TLN2: variants seen among roughly 807,000 people sequenced by gnomAD.
TLN2 encodes talin 2.
TLN2 carries 118 observed loss-of-function variants against 294.7 expected under a neutral mutation model. The ratio of observed to expected loss-of-function variants is 0.40; its 90% CI spans 0.34 to 0.47. TLN2 has a LOEUF of 0.47. Ranked by LOEUF, TLN2 falls within the 20% of genes least tolerant of loss-of-function variation. The pLI is 0.84. For synonymous variants in TLN2, 1,431 were observed against 1,304.5 expected (o/e 1.10, Z -2.09); for missense variants, 3,083 against 3,282.2 (o/e 0.94, Z 1.48).
intron 1 of TLN2, among the ~76,000 whole-genome samples, chr15:62,481,442 A>G (rs1255032511): frequency 3.3e-5 from 5 of 152,226 alleles, no homozygotes; most frequent in African/African-American, 1.2e-4. Flanking sequence ...AGCTCACTGC[A>G]GTCGCGAACT....
At chr15:62,651,609 G>A (rs1027686631) in intron 5 of TLN2, among the ~76,000 whole-genome samples, 1 of 152,194 alleles carries the variant, frequency 6.6e-6, no homozygotes, top group African/African-American at 2.4e-5. Flanking sequence ...GCCAGTAGGG[G>A]TAGGAGGGAA....
chr15:62,763,851 C>CT (rs1277477654), intron 40 of TLN2, among the ~76,000 whole-genome samples, 156 bp downstream of exon 40: 4 of 152,050 alleles, frequency 2.6e-5, no homozygotes, highest in African/African-American at 9.7e-5. Flanking sequence ...AATCTGGGAA[C>CT]TTTTTGGAGA....
At chr15:62,613,709 C>T (rs1375550593) in intron 2 of TLN2, among the ~76,000 whole-genome samples, 1 of 152,088 alleles carries the variant, frequency 6.6e-6, no homozygotes, top group Non-Finnish European at 1.5e-5. Flanking sequence ...AATGTCCATC[C>T]ACATGTGGAA....
intron 50 of TLN2, among the ~76,000 whole-genome samples, chr15:62,802,350 C>T (rs943584178): frequency 2.0e-5 from 3 of 151,082 alleles, no homozygotes; most frequent in Admixed American, 1.3e-4. Flanking sequence ...ACCACAGTAG[C>T]CAAGATTTGG....
At chr15:62,522,475 T>G (rs1047616535) in intron 1 of TLN2, among the ~76,000 whole-genome samples, 2 of 152,184 alleles carry the variant, frequency 1.3e-5, no homozygotes, top group African/African-American at 4.8e-5. Context: ...AACTGGCATA[T>G]GGATAGGTCT....
At chr15:62,649,040 G>A (rs1031406365) in intron 4 of TLN2, among the ~76,000 whole-genome samples, 1 of 151,868 alleles carries the variant, frequency 6.6e-6, no homozygotes, top group African/African-American at 2.4e-5. Context: ...TAGATACAAG[G>A]TCTTGCTATG....
intron 22 of TLN2, among the ~76,000 whole-genome samples, chr15:62,714,504 G>A (rs987540241): frequency 1.3e-5 from 2 of 151,878 alleles, no homozygotes; most frequent in Admixed American, 6.6e-5. Flanking sequence ...GCCCAGCCAC[G>A]TTTTGTTTCT....
Position 62,840,613 on chromosome 15 carries a change from G to C in TLN2, c.*3G>C. On this transcript the variant is annotated 3_prime_UTR_variant, in exon 59 of 59. Coordinates refer to ENST00000636159, the MANE Select transcript of TLN2 (RefSeq NM_015059.3). ...AGCTGAGGGAAGATGAGGGCTAAAG[G>C]TGCGAGCCCAGATGGCGAGCCCCAG... 6.2e-7 allele frequency: 1 copy of C among 1,613,376 alleles called. No individual in the cohort carries two copies. The highest frequency in any genetic ancestry group is 1.3e-5 in the African/African-American group (1 of 74,984).
chr15:62,677,216 T>C (rs2056312368), intron 11 of TLN2, among the ~76,000 whole-genome samples: 1 of 152,228 alleles, frequency 6.6e-6, no homozygotes, highest in Non-Finnish European at 1.5e-5. Flanking sequence ...CTCCAATGCC[T>C]TGCAGGGACA....
intron 1 of TLN2, among the ~76,000 whole-genome samples, chr15:62,568,051 A>G (rs145072534): frequency 0.013 from 2,043 of 152,258 alleles, 43 homozygotes; most frequent in African/African-American, 0.047. Context: ...GCCCACGACC[A>G]CAGATATTAT....
chr15:62,802,411 TACACACACACAC>T (rs60573464), intron 50 of TLN2, among the ~76,000 whole-genome samples: 2 of 149,730 alleles, frequency 1.3e-5, no homozygotes, highest in Admixed American at 1.3e-4. Flanking sequence ...TATACAATGG[TACACACACACAC>T]ACACACACAC....
intron 1 of TLN2, among the ~76,000 whole-genome samples, chr15:62,518,451 A>G (rs1489939995): frequency 6.6e-6 from 1 of 152,218 alleles, no homozygotes; most frequent in Non-Finnish European, 1.5e-5. Context: ...CTCACTAGCA[A>G]GTTTGGTATG....
intron 1 of TLN2, among the ~76,000 whole-genome samples, chr15:62,465,835 G>A (rs1386903190): frequency 5.9e-5 from 9 of 152,152 alleles, no homozygotes; most frequent in African/African-American, 9.7e-5. Flanking sequence ...TTTCTGCAGA[G>A]CAGAACATAG....
At chr15:62,639,484 G>A (rs990566399) in intron 3 of TLN2, among the ~76,000 whole-genome samples, 2 of 152,192 alleles carry the variant, frequency 1.3e-5, no homozygotes, top group African/African-American at 4.8e-5. Flanking sequence ...GTCATTTCTA[G>A]TTGAAGTGTT....
intron 1 of TLN2, among the ~76,000 whole-genome samples, chr15:62,565,239 A>T (rs1204769660): frequency 1.3e-5 from 2 of 152,200 alleles, no homozygotes; most frequent in East Asian, 3.8e-4. Context: ...CATTTTGAGA[A>T]GTATTTACGA....
intron 1 of TLN2, among the ~76,000 whole-genome samples, chr15:62,517,117 G>A (rs1246264574): frequency 6.6e-6 from 1 of 152,184 alleles, no homozygotes; most frequent in Non-Finnish European, 1.5e-5. Flanking sequence ...CTGAAGCCAA[G>A]GATGGCGAGA....
intron 35 of TLN2, 48 bp downstream of exon 35, chr15:62,752,475 G>T (rs373861652): frequency 1.9e-6 from 3 of 1,597,712 alleles, no homozygotes; most frequent in African/African-American, 2.7e-5. Flanking sequence ...CCAGATCCCT[G>T]TGGGAGGTGT....
chr15:62,728,072 G>C (rs1438863032), intron 28 of TLN2, among the ~76,000 whole-genome samples: 1 of 152,112 alleles, frequency 6.6e-6, no homozygotes, highest in African/African-American at 2.4e-5. Context: ...CCACTACCAG[G>C]ATCGAGGAAT....
At chr15:62,538,424 A>T (rs939313135) in intron 1 of TLN2, among the ~76,000 whole-genome samples, 1 of 152,252 alleles carries the variant, frequency 6.6e-6, no homozygotes, top group Admixed American at 6.5e-5. Context: ...TGAATGCAAT[A>T]TAATTACCCA....
Sources: gnomAD v4.1 joint callset for allele counts (sites outside exome capture counted in the v4.1 genomes callset) on GRCh38, gnomAD v4.1.1 for gene constraint, MANE v1.5 for transcripts, NCBI Gene and HGNC (gene_info 2026-07-23, HGNC 2026-07-21) for gene names.